VAV2: variants seen among roughly 807,000 people sequenced by gnomAD.
VAV2 encodes the protein vav guanine nucleotide exchange factor 2.
Under a neutral mutation model 132.5 loss-of-function variants are expected in VAV2, and 67 were observed. That is an observed-to-expected ratio of 0.51 (90% confidence interval 0.42 to 0.62). The LOEUF is 0.62. VAV2 is among the 20% of genes least tolerant of loss of function. VAV2 has a pLI of 0.00. For synonymous variants in VAV2, 492 were observed against 443.5 expected (o/e 1.11, Z -1.37); for missense variants, 938 against 1,153.6 (o/e 0.81, Z 2.71).
chr9:133,795,572 G>T, intron 12 of VAV2, 96 bp downstream of exon 12: 1 of 1,477,962 alleles, frequency 6.8e-7, no homozygotes, highest in Non-Finnish European at 9.4e-7. Flanking sequence ...ACTGTCCACA[G>T]TCAAAACTGA....
chr9:133,816,118 T>C (rs1338400956), intron 4 of VAV2, among the ~76,000 whole-genome samples: 5 of 152,242 alleles, frequency 3.3e-5, no homozygotes, highest in Non-Finnish European at 7.3e-5. Context: ...CCTGCGTCCT[T>C]ACTGTATACC....
chr9:133,967,080 T>C (rs193246920), intron 1 of VAV2, among the ~76,000 whole-genome samples: 10 of 148,984 alleles, frequency 6.7e-5, no homozygotes, highest in African/African-American at 2.5e-4. Context: ...AATAATAATC[T>C]GATTTTTAAA....
chr9:133,862,903 C>T (rs2131872887), intron 2 of VAV2, among the ~76,000 whole-genome samples: 1 of 152,334 alleles, frequency 6.6e-6, no homozygotes. Context: ...ACGGCGGGTT[C>T]GACCAAGGAG....
rs1327297349 is a variant in VAV2, at chr9:133,809,115, G to T, written c.591C>A (p.Asp197Glu). The T allele has an allele frequency of 1.2e-6, 2 of 1,613,962 alleles. No homozygotes were observed. Among genetic ancestry groups the T allele is most frequent in the South Asian group, 2.2e-5 (2 of 91,078 alleles). The part of the protein sequence containing the change: ...YMQKMGMTED[D>E]KRNCCLLEIQ... ...TCTCCAGCAGGCAGCAGTTCCTCTT[G>T]TCATCTTCAGTCATGCCCATTTTCT... is the stretch of plus-strand genomic sequence containing the variant. Residue 197 changes from aspartate to glutamate, a missense_variant, in exon 7 of 30, where the codon GAC becomes GAA. Transcript: ENST00000371850.
chr9:133,804,927 C>T lies in VAV2; in HGVS notation c.836+1154G>A, dbSNP rs1201889195. On this transcript the variant is annotated intron_variant, in intron 9 of 29. Transcript: ENST00000371850. This position sits in a 1 kb window ranked among gnomAD's most constrained non-coding sequence, Gnocchi z 4.5. ...AGCACTGCCTGCTCCCTCGTGTCTC[C>T]GGGAACCCTCCAAGCCATGGCCCCT... Among the ~76,000 whole-genome samples the T allele has an allele frequency of 3.9e-5, 6 of 152,174 alleles. No homozygotes were observed. The highest frequency in any genetic ancestry group is 1.2e-4 in the African/African-American group (5 of 41,436).
intron 1 of VAV2, among the ~76,000 whole-genome samples, chr9:133,940,389 C>T (rs1472703988): frequency 6.6e-6 from 1 of 152,206 alleles, no homozygotes; most frequent in African/African-American, 2.4e-5. Flanking sequence ...GAGCCTGTCC[C>T]TGCTCACTGG....
intron 2 of VAV2, among the ~76,000 whole-genome samples, chr9:133,906,797 G>A (rs922902242): frequency 7.2e-5 from 11 of 152,226 alleles, no homozygotes; most frequent in African/African-American, 2.7e-4. Flanking sequence ...GCGGAGCCAG[G>A]CTCTGGGTCC....
At chr9:133,955,054 C>T (rs1018853109) in intron 1 of VAV2, among the ~76,000 whole-genome samples, 9 of 152,036 alleles carry the variant, frequency 5.9e-5, no homozygotes, top group Admixed American at 3.3e-4. Flanking sequence ...CCGGCTACCC[C>T]ACAGACACCC....
intron 1 of VAV2, among the ~76,000 whole-genome samples, chr9:133,982,813 T>C (rs1280753629): frequency 1.3e-5 from 2 of 152,212 alleles, no homozygotes; most frequent in Non-Finnish European, 2.9e-5. Context: ...TTTCATGATA[T>C]GTGAAAATGA....
intron 4 of VAV2, among the ~76,000 whole-genome samples, chr9:133,815,661 T>A (rs1435977639): frequency 6.6e-6 from 1 of 152,228 alleles, no homozygotes; most frequent in East Asian, 1.9e-4. Context: ...TGAGTACTAA[T>A]CCACGGCATG....
At chr9:133,917,353 G>C (rs188854543) in intron 2 of VAV2, among the ~76,000 whole-genome samples, 1 of 151,928 alleles carries the variant, frequency 6.6e-6, no homozygotes, top group Admixed American at 6.5e-5. Flanking sequence ...TCAAAGGAAT[G>C]ATTCTCTAAT....
chr9:133,886,998 C>A (rs1310648787), intron 2 of VAV2, among the ~76,000 whole-genome samples: 1 of 152,170 alleles, frequency 6.6e-6, no homozygotes, highest in African/African-American at 2.4e-5. Context: ...AAGGCAGGTG[C>A]CAAGCCCCCC....
intron 2 of VAV2, among the ~76,000 whole-genome samples, chr9:133,870,035 G>A (rs554298082): frequency 6.6e-6 from 1 of 151,776 alleles, no homozygotes; most frequent in African/African-American, 2.4e-5. Flanking sequence ...TGGAAAGCAC[G>A]GACAGAAAAA....
intron 21 of VAV2, 85 bp from the exon 22 acceptor site, chr9:133,778,974 C>T: frequency 1.3e-6 from 2 of 1,549,616 alleles, no homozygotes; most frequent in Non-Finnish European, 1.7e-6. Flanking sequence ...CACCCCATCA[C>T]CAAGCTCGGC....
chr9:133,888,418 G>A (rs181585863), intron 2 of VAV2, among the ~76,000 whole-genome samples: 3 of 152,346 alleles, frequency 2.0e-5, no homozygotes, highest in Admixed American at 1.3e-4. Context: ...GCATGTGGGG[G>A]CCACGCACAC....
rs910623004 is a variant in VAV2 at position 133,805,993 on chromosome 9, A to C, written c.836+88T>G. 7 of 1,384,856 alleles carry C rather than the reference A, an allele frequency of 5.1e-6. No individual in the cohort carries two copies. In the African/African-American group the frequency reaches 8.6e-5, roughly 17 times the overall value. 85.8% of individuals were successfully genotyped at this position (1,384,856 alleles called of 1,614,324 possible). The stretch of plus-strand genomic sequence containing the variant: ...GGCCCCTGCCTCGGGACACCCCAAG[A>C]GTCCCACTTACACAAGAGTTCCACT... On this transcript the variant is annotated intron_variant, in intron 9 of 29. Coordinates refer to ENST00000371850, the MANE Select transcript of VAV2 (RefSeq NM_001134398.2).
chr9:133,814,344 G>A (rs1253382469), intron 4 of VAV2, among the ~76,000 whole-genome samples: 1 of 152,258 alleles, frequency 6.6e-6, no homozygotes, highest in Non-Finnish European at 1.5e-5. Flanking sequence ...ATGCAGGCAA[G>A]TGACTGCAGG....
Position 133,769,937 on chromosome 9 carries a change from CCT to C in VAV2, c.2348-436_2348-435del, listed in dbSNP as rs1173774348. ...CGCATGCTCGGGGCCTGCCCCTGCC[CCT>C]GATTCCGTGTGGCCTTCCCTGTTCT... On this transcript the variant is annotated intron_variant, in intron 27 of 29. Transcript: ENST00000371850. This position sits in a 1 kb window ranked among gnomAD's most constrained non-coding sequence, Gnocchi z 8.1. 1.3e-5 allele frequency among the ~76,000 whole-genome samples: 2 copies of C among 152,198 alleles called. No homozygotes were observed. Among genetic ancestry groups the C allele is most frequent in the African/African-American group, 2.4e-5 (1 of 41,446 alleles).
At position 133,787,262 on chromosome 9, in the gene VAV2, T is replaced by C. The variant is rs756985691; in HGVS notation, c.1408-2A>G. The C allele has an allele frequency of 2.5e-6, 4 of 1,585,668 alleles. No individual in the cohort carries two copies. In the African/African-American group the frequency reaches 5.4e-5, roughly 21 times the overall value. On this transcript the variant is annotated splice_acceptor_variant, in intron 15 of 29. Coordinates refer to ENST00000371850, the MANE Select transcript of VAV2 (RefSeq NM_001134398.2). LOFTEE classifies it high-confidence loss of function. ...GGTGCTTACCATTTTCCCGTGAGAC[T>C]AGGAAGCATGGAGAGGAGAGGAAGG...
Sources: allele counts gnomAD v4.1 joint callset (sites outside exome capture counted in the v4.1 genomes callset), GRCh38; gene constraint gnomAD v4.1.1; non-coding constraint Gnocchi (gnomAD v3.1); transcripts MANE v1.5; gene names NCBI Gene and HGNC (gene_info 2026-07-23, HGNC 2026-07-21).